The following CYP39A1 variants were observed in gnomAD, a reference collection of about 807,000 sequenced individuals.
CYP39A1 encodes cytochrome P450 family 39 subfamily A member 1.
A neutral mutation model predicts 58.1 loss-of-function variants in CYP39A1; 49 were observed. The ratio of observed to expected loss-of-function variants is 0.84; its 90% CI spans 0.67 to 1.07. The LOEUF is 1.07. CYP39A1 is among the 50% of genes least tolerant of loss of function. The pLI, the probability that CYP39A1 is intolerant of heterozygous loss-of-function variation, is 0.00. For synonymous variants in CYP39A1, 209 were observed against 187.6 expected, an observed-to-expected ratio of 1.11 and a Z score of -0.93; for missense variants, 531 against 539.4, an observed-to-expected ratio of 0.98 and a Z score of 0.16.
intron 10 of CYP39A1, among the ~76,000 whole-genome samples, chr6:46,555,112 C>T (rs1770607380): frequency 6.6e-6 from 1 of 152,060 alleles, no homozygotes; most frequent in Non-Finnish European, 1.5e-5. Flanking sequence ...ACAGCCAGCC[C>T]TTGAAGATCT....
intron 10 of CYP39A1, among the ~76,000 whole-genome samples, chr6:46,582,095 C>A (rs1217227276): frequency 6.6e-6 from 1 of 152,180 alleles, no homozygotes; most frequent in Non-Finnish European, 1.5e-5. Context: ...AGGATATGTG[C>A]ACACTCTTGT....
chr6:46,610,537 AT>A lies in CYP39A1; in HGVS notation c.932-14418del, dbSNP rs888774011. Among the ~76,000 whole-genome samples the A allele has an allele frequency of 1.6e-3, 248 of 151,878 alleles. 6 individuals carry two copies. The highest frequency in any genetic ancestry group is 2.1e-4 in the Non-Finnish European group (14 of 67,920). On this transcript the variant is annotated intron_variant, in intron 7 of 11. Coordinates refer to ENST00000275016, the MANE Select transcript of CYP39A1 (RefSeq NM_016593.5). The stretch of plus-strand genomic sequence containing the variant: ...TTATTTTTTAATTTTCATAGAGACA[AT>A]CTCACTATGTTGCCCAGGCTGGTCT...
intron 1 of CYP39A1, among the ~76,000 whole-genome samples, chr6:46,650,044 C>T (rs919405968): frequency 1.3e-5 from 2 of 151,792 alleles, no homozygotes; most frequent in African/African-American, 4.8e-5. Context: ...CTGTTGCAGC[C>T]ACTGCGAAAA....
chr6:46,576,931 T>C (rs1458736358), intron 10 of CYP39A1, among the ~76,000 whole-genome samples: 2 of 152,208 alleles, frequency 1.3e-5, no homozygotes, highest in African/African-American at 4.8e-5. Flanking sequence ...TTCAGGATAT[T>C]GTCCACAAAG....
intron 10 of CYP39A1, among the ~76,000 whole-genome samples, chr6:46,580,987 T>C (rs1288490439): frequency 6.6e-6 from 1 of 152,206 alleles, no homozygotes; most frequent in Non-Finnish European, 1.5e-5. Flanking sequence ...AGCAATCCCA[T>C]TATACCCAAA....
intron 7 of CYP39A1, among the ~76,000 whole-genome samples, chr6:46,613,585 C>G (rs537657207): frequency 6.6e-6 from 1 of 151,936 alleles, no homozygotes; most frequent in South Asian, 2.1e-4. Context: ...CAAAGTAAAA[C>G]TGATCAGCAA....
intron 2 of CYP39A1, 124 bp downstream of exon 2, chr6:46,642,039 C>T: frequency 9.2e-7 from 1 of 1,084,832 alleles, no homozygotes; most frequent in Non-Finnish European, 1.4e-6. Flanking sequence ...CTACCCATAC[C>T]TCAAGAATAA....
chr6:46,603,983 G>A (rs894048413), intron 7 of CYP39A1, among the ~76,000 whole-genome samples: 1 of 152,036 alleles, frequency 6.6e-6, no homozygotes, highest in African/African-American at 2.4e-5. Flanking sequence ...AGTATACAAT[G>A]CCTAGCATAG....
intron 8 of CYP39A1, among the ~76,000 whole-genome samples, chr6:46,591,333 T>C (rs919832620): frequency 6.6e-6 from 1 of 152,076 alleles, no homozygotes; most frequent in Non-Finnish European, 1.5e-5. Context: ...AAATTATTTA[T>C]AGTTGTGTTG....
At chr6:46,616,950 T>C (rs542296147) in intron 7 of CYP39A1, among the ~76,000 whole-genome samples, 1 of 151,322 alleles carries the variant, frequency 6.6e-6, no homozygotes, top group African/African-American at 2.4e-5. Flanking sequence ...ACCAAGAGAT[T>C]GGCGATCGAT....
chr6:46,580,773 G>T (rs1379231650), intron 10 of CYP39A1, among the ~76,000 whole-genome samples: 1 of 152,112 alleles, frequency 6.6e-6, no homozygotes, highest in Non-Finnish European at 1.5e-5. Flanking sequence ...AATCGTTAGA[G>T]AAATGCAAAT....
intron 1 of CYP39A1, among the ~76,000 whole-genome samples, chr6:46,642,505 C>T (rs1582464923): frequency 1.3e-5 from 2 of 152,034 alleles, no homozygotes; most frequent in East Asian, 3.8e-4. Context: ...GTAATATTCC[C>T]TTTGATCATT....
chr6:46,562,691 A>G (rs1426050571), intron 10 of CYP39A1, among the ~76,000 whole-genome samples: 5 of 152,098 alleles, frequency 3.3e-5, no homozygotes, highest in Non-Finnish European at 7.4e-5. Context: ...CTGTAGAGAA[A>G]GTAGAATGAG....
Position 46,592,682 on chromosome 6 carries a change from G to A in CYP39A1, c.1065+3305C>T, listed in dbSNP as rs116674806. Among the ~76,000 whole-genome samples the A allele has an allele frequency of 8.2e-3, 1,241 of 152,246 alleles. 16 individuals are homozygous for A. Among genetic ancestry groups the A allele is most frequent in the African/African-American group, 0.029 (1,207 of 41,558 alleles). Reference sequence around the variant, plus strand: ...AAAACAGAAAACTTTTCAGCTGAGCGTGGTCGTTTATGCCTGTAATCCCAG... The same window carrying A: ...AAAACAGAAAACTTTTCAGCTGAGCATGGTCGTTTATGCCTGTAATCCCAG... On this transcript the variant is annotated intron_variant, in intron 8 of 11. Transcript: ENST00000275016.
intron 10 of CYP39A1, among the ~76,000 whole-genome samples, chr6:46,564,766 A>G (rs1278272837): frequency 7.2e-5 from 11 of 152,202 alleles, no homozygotes; most frequent in Admixed American, 7.2e-4. Context: ...TGTGCTGGAA[A>G]GCTATCACTG....
At chr6:46,584,119 A>T (rs527947746) in intron 10 of CYP39A1, among the ~76,000 whole-genome samples, 1 of 152,134 alleles carries the variant, frequency 6.6e-6, no homozygotes, top group Non-Finnish European at 1.5e-5. Flanking sequence ...TTTCCTGAAC[A>T]ATTTGCTATT....
chr6:46,575,430 C>T (rs1437257841), intron 10 of CYP39A1, among the ~76,000 whole-genome samples: 1 of 152,208 alleles, frequency 6.6e-6, no homozygotes, highest in Non-Finnish European at 1.5e-5. Context: ...TGGCTGCAAC[C>T]ACATGCAGCC....
intron 10 of CYP39A1, among the ~76,000 whole-genome samples, chr6:46,578,986 C>A (rs985299782): frequency 2.0e-5 from 3 of 151,870 alleles, no homozygotes; most frequent in Admixed American, 6.6e-5. Context: ...ACTCTGATAC[C>A]AAAATCTGGC....
chr6:46,618,691 A>AT lies in CYP39A1; in HGVS notation c.931+6726dup, dbSNP rs917936817. On this transcript the variant is annotated intron_variant, in intron 7 of 11. Transcript: ENST00000275016. The stretch of plus-strand genomic sequence containing the variant: ...TTGGCTGGGACTAGGTGTATTACGT[A>AT]TTTTTTTTTAATTTTCTGTATATAA... 7.9e-5 allele frequency among the ~76,000 whole-genome samples: 12 copies of AT among 151,344 alleles called. No individual in the cohort carries two copies. The South Asian group carries it at 1.3e-3, about 16-fold the overall frequency.
Sources: allele counts gnomAD v4.1 joint callset (sites outside exome capture counted in the v4.1 genomes callset), GRCh38; gene constraint gnomAD v4.1.1; transcripts MANE v1.5; gene names NCBI Gene and HGNC (gene_info 2026-07-23, HGNC 2026-07-21).